Variants in KIAA0319L observed in about 807,000 individuals in gnomAD.
KIAA0319L encodes the protein KIAA0319 like.
In KIAA0319L, 55 loss-of-function variants were observed where a neutral mutation model predicts 120.1. The observed-to-expected ratio is 0.46, with a 90% CI of 0.37 to 0.57. KIAA0319L has a LOEUF of 0.57. Ranked by LOEUF, KIAA0319L falls within the 20% of genes least tolerant of loss-of-function variation. KIAA0319L has a pLI of 0.00. For synonymous variants in KIAA0319L, 398 were observed against 471.9 expected, an observed-to-expected ratio of 0.84 and a Z score of 2.03; for missense variants, 1,049 against 1,255.3, an observed-to-expected ratio of 0.84 and a Z score of 2.48.
chr1:35,509,789 T>G (rs1645353604), intron 2 of KIAA0319L: 1 of 152,736 alleles, frequency 6.5e-6, no homozygotes, highest in South Asian at 2.1e-4. Context: ...AACCTAATAA[T>G]ACACTTAACA....
intron 2 of KIAA0319L, among the ~76,000 whole-genome samples, chr1:35,547,840 G>A (rs1287194960): frequency 1.3e-5 from 2 of 152,112 alleles, no homozygotes; most frequent in East Asian, 3.9e-4. Flanking sequence ...AAAACTTCTT[G>A]GCCAGGTGCA....
intron 3 of KIAA0319L, among the ~76,000 whole-genome samples, chr1:35,503,018 G>C (rs1048309191): frequency 5.9e-5 from 9 of 152,092 alleles, no homozygotes; most frequent in Non-Finnish European, 1.3e-4. Flanking sequence ...AGGCTACCCA[G>C]CAATATTTCT....
intron 8 of KIAA0319L, among the ~76,000 whole-genome samples, chr1:35,461,910 C>T (rs1487278837): frequency 6.6e-6 from 1 of 152,054 alleles, no homozygotes; most frequent in African/African-American, 2.4e-5. Flanking sequence ...GCTGTGACTG[C>T]CTCTCCCAAA....
chr1:35,474,084 C>CT (rs1028154625), intron 5 of KIAA0319L, among the ~76,000 whole-genome samples: 1 of 151,986 alleles, frequency 6.6e-6, no homozygotes, highest in Non-Finnish European at 1.5e-5. Context: ...TTAGGCTTAG[C>CT]TTTTTTTTCC....
At chr1:35,486,897 T>TGCA (rs1644410121) in intron 3 of KIAA0319L, among the ~76,000 whole-genome samples, 1 of 152,050 alleles carries the variant, frequency 6.6e-6, no homozygotes, top group South Asian at 2.1e-4. Context: ...GGCAACAGAA[T>TGCA]GAGACCCAAA....
chr1:35,536,634 A>G (rs2148481751), intron 2 of KIAA0319L, among the ~76,000 whole-genome samples: 1 of 152,378 alleles, frequency 6.6e-6, no homozygotes, highest in Admixed American at 6.5e-5. Context: ...ACTTCTACCT[A>G]AAACAACTTA....
At chr1:35,483,398 C>T (rs1049022474) in intron 3 of KIAA0319L, among the ~76,000 whole-genome samples, 1 of 152,030 alleles carries the variant, frequency 6.6e-6, no homozygotes, top group African/African-American at 2.4e-5. Context: ...ATCTATGATC[C>T]GTTTTGAGTT....
chr1:35,444,539 G>A (rs1320811738), intron 16 of KIAA0319L, among the ~76,000 whole-genome samples: 4 of 152,168 alleles, frequency 2.6e-5, no homozygotes. Context: ...AGTTGATTAT[G>A]GCAGAGCCAG....
At chr1:35,450,616 G>T in intron 13 of KIAA0319L, 107 bp from the exon 14 acceptor site, 1 of 1,129,328 alleles carries the variant, frequency 8.9e-7, no homozygotes, top group South Asian at 1.5e-5. Context: ...CTTAACTGGA[G>T]AACCTTTTTA....
intron 10 of KIAA0319L, among the ~76,000 whole-genome samples, chr1:35,455,767 G>C (rs953283187): frequency 6.6e-6 from 1 of 151,850 alleles, no homozygotes; most frequent in African/African-American, 2.4e-5. Flanking sequence ...CTTTAGTAGA[G>C]ACGGGGTTTC....
chr1:35,473,273 T>C (rs566264610), intron 5 of KIAA0319L, among the ~76,000 whole-genome samples: 1 of 144,228 alleles, frequency 6.9e-6, no homozygotes, highest in Non-Finnish European at 1.5e-5. Context: ...TTTTTTTGTA[T>C]TTTTGGTAGA....
chr1:35,472,163 G>A (rs964275711), intron 5 of KIAA0319L, among the ~76,000 whole-genome samples: 2 of 152,228 alleles, frequency 1.3e-5, no homozygotes, highest in Non-Finnish European at 2.9e-5. Context: ...AATATTCCTA[G>A]GACAGAAAAG....
At chr1:35,455,949 A>G (rs1642416743) in intron 10 of KIAA0319L, 64 bp downstream of exon 10, 1 of 1,253,604 alleles carries the variant, frequency 8.0e-7, no homozygotes, top group South Asian at 1.4e-5. Context: ...GGAGGTTTCT[A>G]AAAATGCAGT....
Position 35,437,194 on chromosome 1 carries a change from T to G in KIAA0319L, c.2963-2113A>C, listed in dbSNP as rs1640861076. On this transcript the variant is annotated intron_variant, in intron 20 of 20. Coordinates refer to ENST00000325722, the MANE Select transcript of KIAA0319L (RefSeq NM_024874.5). This position sits in a 1 kb window ranked among gnomAD's most constrained non-coding sequence, Gnocchi z 4.1. ...TCCCCTCTCCCTAAGATGTCCGATG[T>G]GCTGAGCTCAGGCTCCCATCCAATC... 6.6e-6 allele frequency among the ~76,000 whole-genome samples: 1 copy of G among 152,190 alleles called. No individual in the cohort carries two copies. Among genetic ancestry groups the G allele is most frequent in the Non-Finnish European group, 1.5e-5 (1 of 68,016 alleles).
intron 2 of KIAA0319L, among the ~76,000 whole-genome samples, chr1:35,535,794 T>C (rs16866287): frequency 0.017 from 2,570 of 152,252 alleles, 61 homozygotes; most frequent in African/African-American, 0.059. Context: ...TATACCTCTA[T>C]CATAGCATTT....
At chr1:35,510,150 C>G (rs1406525335) in intron 2 of KIAA0319L, 1 of 152,190 alleles carries the variant, frequency 6.6e-6, no homozygotes, top group Non-Finnish European at 1.5e-5. Flanking sequence ...AGCAATCATA[C>G]TAGTGAGAAA....
chr1:35,512,871 C>CAAAAAAA (rs746942793), intron 2 of KIAA0319L, among the ~76,000 whole-genome samples: 4 of 48,384 alleles, frequency 8.3e-5, no homozygotes, highest in Admixed American at 2.2e-4. Context: ...GACTCCATCT[C>CAAAAAAA]AAAAAAAAAA....
rs1640918969 is a variant in KIAA0319L, at chr1:35,437,992, G to A, written c.2963-2911C>T. Among the ~76,000 whole-genome samples, 2 of 152,144 alleles carry A rather than the reference G, an allele frequency of 1.3e-5. No homozygotes were observed. The highest frequency in any genetic ancestry group is 2.9e-5 in the Non-Finnish European group (2 of 68,030). ...CTATAACCCACTGACACCACGCTGTGTGAATCACTGTCAGCTCCTCCTTGG... is the reference window on the plus strand; with the variant it reads ...CTATAACCCACTGACACCACGCTGTATGAATCACTGTCAGCTCCTCCTTGG... On this transcript the variant is annotated intron_variant, in intron 20 of 20. Transcript: ENST00000325722. The surrounding 1 kb of genome is among the most constrained non-coding windows in gnomAD (Gnocchi z 4.1).
At chr1:35,454,008 C>T (rs528199565) in intron 11 of KIAA0319L, among the ~76,000 whole-genome samples, 1 of 152,272 alleles carries the variant, frequency 6.6e-6, no homozygotes, top group East Asian at 1.9e-4. Context: ...CAGTTTTAAG[C>T]AGGCCCTTCA....
Sources: allele counts gnomAD v4.1 joint callset (sites outside exome capture counted in the v4.1 genomes callset), GRCh38; gene constraint gnomAD v4.1.1; non-coding constraint Gnocchi (gnomAD v3.1); transcripts MANE v1.5; gene names NCBI Gene and HGNC (gene_info 2026-07-23, HGNC 2026-07-21).